The following SETD2 variants were observed in gnomAD, a reference collection of about 807,000 sequenced individuals.
The protein encoded by SETD2 is histone-lysine N-methyltransferase SETD2.
A neutral mutation model predicts 242.1 loss-of-function variants in SETD2; 31 were observed. The ratio of observed to expected loss-of-function variants is 0.13; its 90% CI spans 0.10 to 0.17. The LOEUF (loss-of-function observed/expected upper bound fraction) is 0.17, where lower values mean the gene tolerates loss of function less well. Ranked by LOEUF, SETD2 falls within the 10% of genes least tolerant of loss-of-function variation. The pLI, the probability that SETD2 is intolerant of heterozygous loss-of-function variation, is 1.00. For synonymous variants in SETD2, 1,006 were observed against 1,066.5 expected, an observed-to-expected ratio of 0.94 and a Z score of 1.11; for missense variants, 2,481 against 3,046.3, an observed-to-expected ratio of 0.81 and a Z score of 4.37.
chr3:47,035,729 G>A (rs1167220399), intron 18 of SETD2, among the ~76,000 whole-genome samples: 1 of 152,128 alleles, frequency 6.6e-6, no homozygotes, highest in African/African-American at 2.4e-5. Context: ...TATAAACTTG[G>A]CCCCAGAACT....
chr3:47,089,091 C>A (rs1429507928), intron 9 of SETD2, among the ~76,000 whole-genome samples: 2 of 152,116 alleles, frequency 1.3e-5, no homozygotes, highest in African/African-American at 2.4e-5. Context: ...TATATGAATC[C>A]ATTTTTATGC....
At chr3:47,114,093 T>C (rs2042761981) in intron 4 of SETD2, 89 bp from the exon 5 acceptor site, 2 of 1,299,320 alleles carry the variant, frequency 1.5e-6, no homozygotes, top group Non-Finnish European at 2.1e-6. Flanking sequence ...TAACTACATA[T>C]ATACATACTT....
chr3:47,058,440 C>CAAAAAAAAAAAAAA lies in SETD2; in HGVS notation c.6294-964_6294-951dup, dbSNP rs1174283471. On this transcript the variant is annotated intron_variant, in intron 14 of 20. Transcript: ENST00000409792. The stretch of plus-strand genomic sequence containing the variant: ...TGGGCAACAGGGCAAGACACCGTCT[C>CAAAAAAAAAAAAAA]AAAAAAAAAAAAAAAAAAAAAAAAC... Among the ~76,000 whole-genome samples, 38 of 21,974 alleles carry CAAAAAAAAAAAAAA rather than the reference C, an allele frequency of 1.7e-3. 4 individuals carry two copies. Among genetic ancestry groups the CAAAAAAAAAAAAAA allele is most frequent in the African/African-American group, 8.9e-3 (36 of 4,026 alleles). The allele number at this position is 21,974 out of a possible 152,430, so 14.4% of individuals were successfully genotyped here.
chr3:47,122,524 T>G lies in SETD2; in HGVS notation c.2112A>C (p.Gly704=). 6.2e-7 allele frequency: 1 copy of G among 1,614,152 alleles called. No homozygotes were observed. Among genetic ancestry groups the G allele is most frequent in the Non-Finnish European group, 8.5e-7 (1 of 1,179,994 alleles). Residue 704 remains glycine, a synonymous_variant, in exon 3 of 21, where the codon GGA becomes GGC. Coordinates refer to ENST00000409792, the MANE Select transcript of SETD2 (RefSeq NM_014159.7). ...VLMTSDDSVT[G]SELSPLVKAC... ...CTTTGACCAAAGGGGATAATTCCGA[T>G]CCAGTCACACTATCATCAGAAGTCA...
intron 2 of SETD2, among the ~76,000 whole-genome samples, chr3:47,125,786 T>G (rs2043307706): frequency 6.6e-6 from 1 of 152,214 alleles, no homozygotes; most frequent in African/African-American, 2.4e-5. Flanking sequence ...AGGCATAACG[T>G]AGGTTGTACA....
rs77009967 is a variant in SETD2, at chr3:47,028,927, C to A, written c.7350+8739G>T. ...GTAGGCTACACTGTAGTGCACAGGG[C>A]AGAGGCCTTTGAGGCCATGAAGACA... On this transcript the variant is annotated intron_variant, in intron 18 of 20. Transcript: ENST00000409792. 8.0e-3 allele frequency: 1,507 copies of A among 187,728 alleles called. 30 individuals carry two copies. The highest frequency in any genetic ancestry group is 0.035 in the African/African-American group (1,452 of 41,870). 11.6% of individuals were successfully genotyped at this position (187,728 alleles called of 1,614,324 possible). A position where few individuals can be genotyped will look rare whatever the true frequency, so the allele number is the denominator to read the frequency against.
chr3:47,153,631 T>G (rs997444095), intron 1 of SETD2, among the ~76,000 whole-genome samples: 3 of 152,272 alleles, frequency 2.0e-5, no homozygotes, highest in South Asian at 2.1e-4. Flanking sequence ...CGCATGCCTG[T>G]TGTCCCAGCT....
At chr3:47,054,783 CTT>C (rs969935862) in intron 15 of SETD2, among the ~76,000 whole-genome samples, 44 of 152,080 alleles carry the variant, frequency 2.9e-4, no homozygotes, top group African/African-American at 1.0e-3. Flanking sequence ...TGAAAAATAA[CTT>C]TTCATTTAAA....
At chr3:47,048,590 A>C (rs573088793) in intron 15 of SETD2, among the ~76,000 whole-genome samples, 4 of 152,270 alleles carry the variant, frequency 2.6e-5, no homozygotes, top group African/African-American at 9.6e-5. Context: ...ACTGTAACTT[A>C]CTATAACTTT....
chr3:47,117,882 A>AAAAAC (rs1379377541), intron 3 of SETD2, among the ~76,000 whole-genome samples: 7 of 152,224 alleles, frequency 4.6e-5, no homozygotes, highest in African/African-American at 7.2e-5. Flanking sequence ...ACCCTGGTCT[A>AAAAAC]AAAACAAAAC....
Position 47,163,948 on chromosome 3 carries a change from G to T in SETD2, c.-24C>A. 1 of 1,277,094 alleles carries T rather than the reference G, an allele frequency of 7.8e-7. No individual in the cohort carries two copies. The highest frequency in any genetic ancestry group is 9.9e-7 in the Non-Finnish European group (1 of 1,005,648). The allele number at this position is 1,277,094 out of a possible 1,614,324, so 79.1% of individuals were successfully genotyped here. On this transcript the variant is annotated 5_prime_UTR_variant, in exon 1 of 21. Transcript: ENST00000409792. ...ATCGGGAGCGGCTGGAGACGGCGAC[G>T]CGAGCCCCCTCCCCGCAGCAGGGCG...
At chr3:47,075,297 C>G (rs1444171511) in intron 12 of SETD2, among the ~76,000 whole-genome samples, 1 of 152,068 alleles carries the variant, frequency 6.6e-6, no homozygotes, top group Non-Finnish European at 1.5e-5. Flanking sequence ...CGGTGGCTCA[C>G]ACCCGTAATC....
intron 1 of SETD2, chr3:47,157,690 A>G (rs1411605334): frequency 5.4e-6 from 2 of 370,338 alleles, no homozygotes; most frequent in South Asian, 4.0e-5. Flanking sequence ...CCTGACCAAC[A>G]TGGAGAAACC....
intron 1 of SETD2, among the ~76,000 whole-genome samples, chr3:47,155,670 G>A (rs911418768): frequency 6.6e-6 from 1 of 152,124 alleles, no homozygotes. Context: ...GCCGGGTGTG[G>A]TAGTGTGCAC....
intron 1 of SETD2, among the ~76,000 whole-genome samples, chr3:47,130,044 G>T (rs1312979547): frequency 6.6e-6 from 1 of 152,130 alleles, no homozygotes; most frequent in African/African-American, 2.4e-5. Context: ...CCCAAAGTTG[G>T]ACATTACCAA....
intron 17 of SETD2, among the ~76,000 whole-genome samples, chr3:47,039,748 G>A (rs2039190633): frequency 6.8e-6 from 1 of 147,208 alleles, no homozygotes; most frequent in Non-Finnish European, 1.5e-5. Flanking sequence ...GGGCATGGTG[G>A]CAGGTGCCTG....
At chr3:47,117,785 C>T (rs768643058) in intron 3 of SETD2, among the ~76,000 whole-genome samples, 2 of 152,102 alleles carry the variant, frequency 1.3e-5, no homozygotes, top group African/African-American at 2.4e-5. Flanking sequence ...AATTTGATTG[C>T]GTTCATAATA....
intron 17 of SETD2, among the ~76,000 whole-genome samples, chr3:47,040,433 C>T (rs192493991): frequency 6.6e-6 from 1 of 152,150 alleles, no homozygotes; most frequent in African/African-American, 2.4e-5. Context: ...ATGGCCCACA[C>T]AAGTAACTCA....
chr3:47,067,907 TATAAAAA>T (rs2040635149), intron 12 of SETD2, among the ~76,000 whole-genome samples: 1 of 152,206 alleles, frequency 6.6e-6, no homozygotes, highest in African/African-American at 2.4e-5. Flanking sequence ...TTGTGTTTGT[TATAAAAA>T]ATAAAAAATA....
Sources: gnomAD v4.1 joint callset for allele counts (sites outside exome capture counted in the v4.1 genomes callset) on GRCh38, gnomAD v4.1.1 for gene constraint, MANE v1.5 for transcripts, NCBI Gene and HGNC (gene_info 2026-07-23, HGNC 2026-07-21) for gene names.